Variants in UBE2E1 observed in about 807,000 individuals in gnomAD.
UBE2E1 encodes ubiquitin conjugating enzyme E2 E1.
Under a neutral mutation model 21.4 loss-of-function variants are expected in UBE2E1, and 6 were observed. The ratio of observed to expected loss-of-function variants is 0.28; its 90% CI spans 0.15 to 0.55. The LOEUF is 0.55. Among genes scored for constraint, UBE2E1 ranks in the 20% least tolerant of loss-of-function variants. The probability of loss-of-function intolerance (pLI) is 0.93; values close to 1 mark genes in which losing one functional copy is unlikely to be tolerated. For synonymous variants in UBE2E1, 87 were observed against 82.7 expected (o/e 1.05, Z -0.28); for missense variants, 142 against 236.5 (o/e 0.60, Z 2.62).
At chr3:23,880,136 A>G (rs1395917987) in intron 3 of UBE2E1, among the ~76,000 whole-genome samples, 1 of 152,184 alleles carries the variant, frequency 6.6e-6, no homozygotes, top group Non-Finnish European at 1.5e-5. Context: ...TAATCCCAGC[A>G]CTTTGGGAGG....
chr3:23,827,312 TGAAG>T (rs1699779015), intron 3 of UBE2E1, among the ~76,000 whole-genome samples: 1 of 152,240 alleles, frequency 6.6e-6, no homozygotes, highest in Non-Finnish European at 1.5e-5. Context: ...TACAGAATAA[TGAAG>T]GAACAGTAGA....
chr3:23,836,760 C>G lies in UBE2E1; in HGVS notation c.203+25250C>G, dbSNP rs976081975. 2.9e-4 allele frequency among the ~76,000 whole-genome samples: 44 copies of G among 152,166 alleles called. No individual in the cohort carries two copies. Among genetic ancestry groups the G allele is most frequent in the African/African-American group, 1.0e-3 (43 of 41,436 alleles). On this transcript the variant is annotated intron_variant, in intron 3 of 5. Coordinates refer to ENST00000306627, the MANE Select transcript of UBE2E1 (RefSeq NM_003341.5). The surrounding 1 kb of genome is among the most constrained non-coding windows in gnomAD (Gnocchi z 4.1). ...AACCATTGTACACTCTCTACCGTGT[C>G]CCTCAGGGGCATGTGAAAGTAAATG... is the stretch of plus-strand genomic sequence containing the variant.
chr3:23,870,721 G>GCAGAGGGGTA lies in UBE2E1; in HGVS notation c.204-16845_204-16836dup, dbSNP rs1400411634. On this transcript the variant is annotated intron_variant, in intron 3 of 5. Transcript: ENST00000306627. The surrounding 1 kb of genome is among the most constrained non-coding windows in gnomAD (Gnocchi z 4.2). ...TATTGATCATTCTTGGGTGTTTCTC[G>GCAGAGGGGTA]CAGAGGGGTATTTGGCAGGGTCATA... 4.0e-5 allele frequency among the ~76,000 whole-genome samples: 6 copies of GCAGAGGGGTA among 150,732 alleles called. No individual in the cohort carries two copies. The highest frequency in any genetic ancestry group is 9.8e-5 in the African/African-American group (4 of 40,802).
At chr3:23,838,162 G>A (rs1418845004) in intron 3 of UBE2E1, among the ~76,000 whole-genome samples, 5 of 151,798 alleles carry the variant, frequency 3.3e-5, no homozygotes, top group Non-Finnish European at 5.9e-5. Flanking sequence ...CAGCCTCCCG[G>A]GCTCAAGTAA....
Position 23,830,091 on chromosome 3 carries a change from A to AT in UBE2E1, c.203+18586dup, listed in dbSNP as rs1229056137. ...TCTTTGGAAAAATCATGCATATATT[A>AT]TTTTTCCTTTTTTCTTTTTAACTAC... On this transcript the variant is annotated intron_variant, in intron 3 of 5. Coordinates refer to ENST00000306627, the MANE Select transcript of UBE2E1 (RefSeq NM_003341.5). Among the ~76,000 whole-genome samples the AT allele has an allele frequency of 6.2e-4, 95 of 152,156 alleles. 1 individual carries two copies. The highest frequency in any genetic ancestry group is 2.1e-3 in the African/African-American group (88 of 41,538).
rs559895408 is a variant in UBE2E1, at chr3:23,817,298, CG to C, written c.203+5789del. 1.8e-4 allele frequency among the ~76,000 whole-genome samples: 28 copies of C among 151,568 alleles called. No homozygotes were observed. The South Asian group carries it at 5.6e-3, about 30-fold the overall frequency. Reference sequence around the variant, plus strand: ...TTAGCCGGGCGTGGTGACGCGCGCCCGTAATCCCAGCTACTTGGGAGGCTGA... The same window carrying C: ...TTAGCCGGGCGTGGTGACGCGCGCCCTAATCCCAGCTACTTGGGAGGCTGA... On this transcript the variant is annotated intron_variant, in intron 3 of 5. Coordinates refer to ENST00000306627, the MANE Select transcript of UBE2E1 (RefSeq NM_003341.5).
chr3:23,848,136 C>T (rs960905533), intron 3 of UBE2E1, among the ~76,000 whole-genome samples: 3 of 152,152 alleles, frequency 2.0e-5, no homozygotes, highest in Non-Finnish European at 4.4e-5. Flanking sequence ...GAAAGTCAGG[C>T]TCAGAGTTTA....
intron 3 of UBE2E1, among the ~76,000 whole-genome samples, chr3:23,837,440 G>T (rs993121316): frequency 2.0e-5 from 3 of 152,164 alleles, no homozygotes; most frequent in Non-Finnish European, 4.4e-5. Context: ...GTCTCAAAAA[G>T]ATAGTAATGT....
Position 23,810,619 on chromosome 3 carries a change from G to T in UBE2E1, c.153-841G>T. The T allele has an allele frequency of 5.5e-6, 7 of 1,266,960 alleles. No individual in the cohort carries two copies. In the South Asian group the frequency reaches 8.9e-5, roughly 16 times the overall value. 78.5% of individuals were successfully genotyped at this position (1,266,960 alleles called of 1,614,324 possible). A position where few individuals can be genotyped will look rare whatever the true frequency, so the allele number is the denominator to read the frequency against. The stretch of plus-strand genomic sequence containing the variant: ...TGCGGCCGCGGGCCGGCCACTTGGG[G>T]TCTGTGGTGCCCGAGTGGCGGGCGG... On this transcript the variant is annotated intron_variant, in intron 2 of 5. Coordinates refer to ENST00000306627, the MANE Select transcript of UBE2E1 (RefSeq NM_003341.5). The surrounding 1 kb of genome is among the most constrained non-coding windows in gnomAD (Gnocchi z 5.8).
At position 23,842,207 on chromosome 3, in the gene UBE2E1, G is replaced by GTGTA. The variant is rs1236582726; in HGVS notation, c.203+30700_203+30701insATGT. 2.9e-4 allele frequency among the ~76,000 whole-genome samples: 29 copies of GTGTA among 98,472 alleles called. No individual in the cohort carries two copies. The highest frequency in any genetic ancestry group is 1.2e-3 in the African/African-American group (28 of 24,226). The allele number at this position is 98,472 out of a possible 152,430, so 64.6% of individuals were successfully genotyped here. On this transcript the variant is annotated intron_variant, in intron 3 of 5. Coordinates refer to ENST00000306627, the MANE Select transcript of UBE2E1 (RefSeq NM_003341.5). The surrounding 1 kb of genome is among the most constrained non-coding windows in gnomAD (Gnocchi z 4.6). ...ACCCAGTAAGTGAAGGGGTGTGTGTGTGTGTGTGTGTGTGTGTGTGTGTGT... is the reference window on the plus strand; with the variant it reads ...ACCCAGTAAGTGAAGGGGTGTGTGTGTGTATGTGTGTGTGTGTGTGTGTGTGTGT...
chr3:23,850,512 T>TTTTTATTA (rs1553638350), intron 3 of UBE2E1, among the ~76,000 whole-genome samples: 1 of 10,788 alleles, frequency 9.3e-5, no homozygotes, highest in Non-Finnish European at 1.9e-4. Flanking sequence ...TCTACTCCTC[T>TTTTTATTA]TTATTATTAT....
chr3:23,872,055 C>G (rs901683594), intron 3 of UBE2E1, among the ~76,000 whole-genome samples: 1 of 152,080 alleles, frequency 6.6e-6, no homozygotes, highest in African/African-American at 2.4e-5. Flanking sequence ...CGGCCGAGAT[C>G]ACGCCACTGC....
At chr3:23,838,531 G>A (rs900473904) in intron 3 of UBE2E1, among the ~76,000 whole-genome samples, 1 of 152,030 alleles carries the variant, frequency 6.6e-6, no homozygotes, top group African/African-American at 2.4e-5. Context: ...GTCTTACCCT[G>A]TCACCCAGGC....
chr3:23,852,824 C>T (rs1480094410), intron 3 of UBE2E1, among the ~76,000 whole-genome samples: 4 of 152,024 alleles, frequency 2.6e-5, no homozygotes, highest in South Asian at 4.2e-4. Flanking sequence ...AGGCTGGTCA[C>T]GAACTCCTGG....
intron 3 of UBE2E1, among the ~76,000 whole-genome samples, chr3:23,865,703 A>C (rs959260164): frequency 2.0e-5 from 3 of 152,128 alleles, no homozygotes; most frequent in Non-Finnish European, 2.9e-5. Flanking sequence ...AATGCTTTGG[A>C]CTTCTTGGTA....
chr3:23,890,706 G>A lies in UBE2E1; in HGVS notation c.*100G>A, dbSNP rs1701392354. 3 of 1,049,476 alleles carry A rather than the reference G, an allele frequency of 2.9e-6. No homozygotes were observed. 65.0% of individuals were successfully genotyped at this position (1,049,476 alleles called of 1,614,324 possible). A position where few individuals can be genotyped will look rare whatever the true frequency, so the allele number is the denominator to read the frequency against. On this transcript the variant is annotated 3_prime_UTR_variant, in exon 6 of 6. Transcript: ENST00000306627. ...AGGGTGGGAGTTGGTAAAGAGTAGG[G>A]TATTTCTATAACAGATATTATTCAG...
chr3:23,852,449 G>A (rs34700313), intron 3 of UBE2E1, among the ~76,000 whole-genome samples: 81,230 of 151,948 alleles, frequency 0.53, 22,028 homozygotes, highest in Middle Eastern at 0.61. Context: ...TGGTTTTTGT[G>A]TATTAATTTT....
At chr3:23,807,454 C>T (rs751203050) in intron 2 of UBE2E1, 33 bp downstream of exon 2, 1 of 1,595,454 alleles carries the variant, frequency 6.3e-7, no homozygotes, top group South Asian at 1.1e-5. Context: ...CACAGGCTTC[C>T]TATTTCCGAA....
chr3:23,810,455 G>T lies in UBE2E1; in HGVS notation c.153-1005G>T, dbSNP rs966328166. The T allele has an allele frequency of 2.0e-6, 3 of 1,535,750 alleles. No homozygotes were observed. The highest frequency in any genetic ancestry group is 2.6e-6 in the Non-Finnish European group (3 of 1,146,656). ...ACTGCAGGTCTCCAGTCTATCCCCA[G>T]TGTGAGCTAGAGAGCGGACCATGAA... is the stretch of plus-strand genomic sequence containing the variant. On this transcript the variant is annotated intron_variant, in intron 2 of 5. Transcript: ENST00000306627. This position sits in a 1 kb window ranked among gnomAD's most constrained non-coding sequence, Gnocchi z 5.8.
Sources: allele counts gnomAD v4.1 joint callset (sites outside exome capture counted in the v4.1 genomes callset), GRCh38; gene constraint gnomAD v4.1.1; non-coding constraint Gnocchi (gnomAD v3.1); transcripts MANE v1.5; gene names NCBI Gene and HGNC (gene_info 2026-07-23, HGNC 2026-07-21).